PAX9: variants seen among roughly 807,000 people sequenced by gnomAD.
The protein encoded by PAX9 is paired box protein Pax-9.
PAX9 carries 6 observed loss-of-function variants against 29.1 expected under a neutral mutation model. The observed-to-expected ratio is 0.21, with a 90% CI of 0.11 to 0.41. The LOEUF (loss-of-function observed/expected upper bound fraction) is 0.41, where lower values mean the gene tolerates loss of function less well. PAX9 is among the 10% of genes least tolerant of loss of function. The pLI is 1.00. For missense variants in PAX9, 443 were observed against 479.1 expected (o/e 0.92, Z 0.70); for synonymous variants, 217 against 211.7 (o/e 1.03, Z -0.22).
chr14:36,663,602 T>C, intron 2 of PAX9, 79 bp downstream of exon 2: 4 of 1,554,220 alleles, frequency 2.6e-6, no homozygotes, highest in Non-Finnish European at 3.5e-6. Context: ...ATCTGCAGCC[T>C]CAGGGACACT....
At chr14:36,659,567 G>A (rs533433223), upstream of PAX9, among the ~76,000 whole-genome samples, 6 of 152,292 alleles carry the variant, frequency 3.9e-5, no homozygotes, top group South Asian at 1.2e-3. Flanking sequence ...AATGCCAAGA[G>A]CACCCAGTAC....
intron 3 of PAX9, among the ~76,000 whole-genome samples, chr14:36,667,296 T>A (rs947366668): frequency 6.6e-6 from 1 of 151,638 alleles, no homozygotes; most frequent in African/African-American, 2.4e-5. Context: ...CTCCCTCATG[T>A]CTCCAAAGGA....
intron 3 of PAX9, among the ~76,000 whole-genome samples, chr14:36,673,624 G>A (rs1281277909): frequency 6.6e-6 from 1 of 152,036 alleles, no homozygotes; most frequent in Admixed American, 6.5e-5. Context: ...AGTTCCAAGG[G>A]CAAAGGTGTA....
At chr14:36,669,607 A>G (rs1434060478) in intron 3 of PAX9, among the ~76,000 whole-genome samples, 1 of 152,142 alleles carries the variant, frequency 6.6e-6, no homozygotes, top group Non-Finnish European at 1.5e-5. Flanking sequence ...AGAATTACCA[A>G]AGGGCTAAAC....
intron 3 of PAX9, among the ~76,000 whole-genome samples, chr14:36,675,701 G>A (rs1018695907): frequency 3.9e-5 from 6 of 152,120 alleles, no homozygotes; most frequent in East Asian, 1.9e-4. Flanking sequence ...AACGAAGGTC[G>A]TGTTTGTTGT....
In PAX9 at chr14:36,678,189, G is replaced by T; in HGVS notation, c.*1737G>T. On this transcript the variant is annotated 3_prime_UTR_variant, in exon 4 of 4. Coordinates refer to ENST00000361487, the MANE Select transcript of PAX9 (RefSeq NM_001372076.1). ...AATGCGGTTCCACCACATCGGTTTC[G>T]TGGCTTCGTTTAAAACTCAGATGGC... 1 of 451,046 alleles carries T rather than the reference G, an allele frequency of 2.2e-6. No individual in the cohort carries two copies. Among genetic ancestry groups the T allele is most frequent in the Non-Finnish European group, 4.0e-6 (1 of 249,120 alleles). 27.9% of individuals were successfully genotyped at this position (451,046 alleles called of 1,614,324 possible). A position where few individuals can be genotyped will look rare whatever the true frequency, so the allele number is the denominator to read the frequency against.
At chr14:36,666,804 C>G (rs1295610308) in intron 3 of PAX9, among the ~76,000 whole-genome samples, 1 of 152,216 alleles carries the variant, frequency 6.6e-6, no homozygotes, top group Non-Finnish European at 1.5e-5. Flanking sequence ...CCTCGACCCC[C>G]GCCAGGGGCC....
intron 3 of PAX9, among the ~76,000 whole-genome samples, chr14:36,674,665 T>G (rs1881817716): frequency 6.6e-6 from 1 of 152,230 alleles, no homozygotes; most frequent in African/African-American, 2.4e-5. Flanking sequence ...TCATTAATAC[T>G]CATTACTCAG....
In PAX9 at chr14:36,679,202, G is replaced by C; in HGVS notation, c.*2750G>C. ...TTCTTTTTTTTCACAATTTTGTTTT[G>C]TTTTTAATGACCCTTTTATTGAATA... On this transcript the variant is annotated 3_prime_UTR_variant, in exon 4 of 4. Coordinates refer to ENST00000361487, the MANE Select transcript of PAX9 (RefSeq NM_001372076.1). The C allele has an allele frequency of 1.0e-6, 1 of 984,556 alleles. No homozygotes were observed. The highest frequency in any genetic ancestry group is 1.2e-6 in the Non-Finnish European group (1 of 829,284). The allele number at this position is 984,556 out of a possible 1,614,324, so 61.0% of individuals were successfully genotyped here.
intron 3 of PAX9, among the ~76,000 whole-genome samples, chr14:36,674,093 T>C (rs1025653509): frequency 6.6e-6 from 1 of 152,220 alleles, no homozygotes; most frequent in African/African-American, 2.4e-5. Context: ...TATGCAAAAC[T>C]AGATTTTTTC....
At position 36,662,021 on chromosome 14, in the gene PAX9, T is replaced by C. The variant is rs1881288814; in HGVS notation, c.-69T>C. The C allele has an allele frequency of 6.4e-7, 1 of 1,551,524 alleles. No homozygotes were observed. The highest frequency in any genetic ancestry group is 8.7e-7 in the Non-Finnish European group (1 of 1,147,576). On this transcript the variant is annotated 5_prime_UTR_variant, in exon 1 of 4. Coordinates refer to ENST00000361487, the MANE Select transcript of PAX9 (RefSeq NM_001372076.1). ...CCGGGATAGCAACAGGCCGGGCCAC[T>C]GAGGCGGTGCGGAAAGTTTCTGTCT...
intron 2 of PAX9, among the ~76,000 whole-genome samples, chr14:36,664,441 T>A (rs1351278968): frequency 1.3e-5 from 2 of 152,194 alleles, no homozygotes; most frequent in African/African-American, 4.8e-5. Flanking sequence ...CCCCACTGTT[T>A]CTTTCCTTTC....
At position 36,676,885 on chromosome 14, in the gene PAX9, A is replaced by G; in HGVS notation, c.*433A>G. The G allele has an allele frequency of 4.5e-6, 1 of 221,524 alleles. No individual in the cohort carries two copies. The highest frequency in any genetic ancestry group is 9.1e-6 in the Non-Finnish European group (1 of 109,354). 13.7% of individuals were successfully genotyped at this position (221,524 alleles called of 1,614,324 possible). A position where few individuals can be genotyped will look rare whatever the true frequency, so the allele number is the denominator to read the frequency against. ...ATCAATAAAGGAAAATACTTATAGA[A>G]AAAATTATGCTACACCCTCTAATCA... On this transcript the variant is annotated 3_prime_UTR_variant, in exon 4 of 4. Coordinates refer to ENST00000361487, the MANE Select transcript of PAX9 (RefSeq NM_001372076.1).
At position 36,679,160 on chromosome 14, in the gene PAX9, C is replaced by A. The variant is rs951426974; in HGVS notation, c.*2708C>A. ...GCAAGGATAGAATGCAGTTGTGCAA[C>A]AGAGACACATTCTTATTTCTTTTTT... On this transcript the variant is annotated 3_prime_UTR_variant, in exon 4 of 4. Transcript: ENST00000361487. 3 of 985,230 alleles carry A rather than the reference C, an allele frequency of 3.0e-6. No individual in the cohort carries two copies. The highest frequency in any genetic ancestry group is 1.7e-5 in the African/African-American group (1 of 57,222). The allele number at this position is 985,230 out of a possible 1,614,324, so 61.0% of individuals were successfully genotyped here.
rs1049408933 is a variant in PAX9 at position 36,676,882 on chromosome 14, A to G, written c.*430A>G. ...AAAATCAATAAAGGAAAATACTTAT[A>G]GAAAAAATTATGCTACACCCTCTAA... On this transcript the variant is annotated 3_prime_UTR_variant, in exon 4 of 4. Coordinates refer to ENST00000361487, the MANE Select transcript of PAX9 (RefSeq NM_001372076.1). The G allele has an allele frequency of 4.5e-6, 1 of 221,236 alleles. No homozygotes were observed. The highest frequency in any genetic ancestry group is 9.2e-6 in the Non-Finnish European group (1 of 109,108). The allele number at this position is 221,236 out of a possible 1,614,324, so 13.7% of individuals were successfully genotyped here. A position where few individuals can be genotyped will look rare whatever the true frequency, so the allele number is the denominator to read the frequency against.
chr14:36,671,338 A>C lies in PAX9; in HGVS notation c.771+4737A>C, dbSNP rs190607755. 2.9e-4 allele frequency among the ~76,000 whole-genome samples: 44 copies of C among 152,250 alleles called. No individual in the cohort carries two copies. In the East Asian group the frequency reaches 8.5e-3, roughly 29 times the overall value. On this transcript the variant is annotated intron_variant, in intron 3 of 3. Transcript: ENST00000361487. ...CCATACCAGTTTTATGGTGGTCACA[A>C]GTGTTTTGATACTAACGTATTTTCC...
chr14:36,666,481 C>T lies in PAX9; in HGVS notation c.651C>T (p.Tyr217=), dbSNP rs1881494345. ...ITDQVSDSSP[Y]HSPKVEEWSS... is the part of the protein sequence containing the mutation. ...CATCAGTGAGCGACAGCTCCCCCTA[C>T]CACAGCCCCAAGGTGGAGGAGTGGA... is the stretch of plus-strand genomic sequence containing the variant. The change falls in exon 3 of 4, where the codon TAC becomes TAT. Residue 217 remains tyrosine, a synonymous_variant. Transcript: ENST00000361487. 1 of 1,611,044 alleles carries T rather than the reference C, an allele frequency of 6.2e-7. No homozygotes were observed. Among genetic ancestry groups the T allele is most frequent in the African/African-American group, 1.3e-5 (1 of 74,990 alleles).
chr14:36,660,622 T>C (rs1258456831), upstream of PAX9, among the ~76,000 whole-genome samples: 1 of 152,146 alleles, frequency 6.6e-6, no homozygotes, highest in Non-Finnish European at 1.5e-5. Flanking sequence ...GCCACACACA[T>C]CCCTGGGGAC....
Position 36,676,623 on chromosome 14 carries a change from A to C in PAX9, c.*171A>C. The C allele has an allele frequency of 4.0e-6, 3 of 749,710 alleles. No individual in the cohort carries two copies. In the South Asian group the frequency reaches 5.0e-5, roughly 13 times the overall value. The allele number at this position is 749,710 out of a possible 1,614,324, so 46.4% of individuals were successfully genotyped here. On this transcript the variant is annotated 3_prime_UTR_variant, in exon 4 of 4. Coordinates refer to ENST00000361487, the MANE Select transcript of PAX9 (RefSeq NM_001372076.1). ...TAATGACACTTACATATTTCTTGCC[A>C]TAACTTTTCTCTTGCAGAAAAACTG... is the stretch of plus-strand genomic sequence containing the variant.
Sources: allele counts gnomAD v4.1 joint callset (sites outside exome capture counted in the v4.1 genomes callset), GRCh38; gene constraint gnomAD v4.1.1; transcripts MANE v1.5; gene names NCBI Gene and HGNC (gene_info 2026-07-23, HGNC 2026-07-21).